Variants in SCAI observed in about 807,000 individuals in gnomAD.
The protein encoded by SCAI is suppressor of cancer cell invasion.
Under a neutral mutation model 92.2 loss-of-function variants are expected in SCAI, and 24 were observed. The ratio of observed to expected loss-of-function variants is 0.26; its 90% CI spans 0.19 to 0.37. The LOEUF (loss-of-function observed/expected upper bound fraction) is 0.37, where lower values mean the gene tolerates loss of function less well. Among genes scored for constraint, SCAI ranks in the 10% least tolerant of loss-of-function variants. The probability of loss-of-function intolerance (pLI) is 1.00; values close to 1 mark genes in which losing one functional copy is unlikely to be tolerated. For synonymous variants in SCAI, 261 were observed against 258.6 expected (o/e 1.01, Z -0.09); for missense variants, 450 against 736.2 (o/e 0.61, Z 4.50).
intron 17 of SCAI, 119 bp downstream of exon 17, chr9:124,971,251 G>T: frequency 5.9e-6 from 3 of 506,864 alleles, no homozygotes. Flanking sequence ...ATATTATTTT[G>T]AATTTATCCA....
intron 2 of SCAI, among the ~76,000 whole-genome samples, chr9:125,093,006 G>T (rs573630060): frequency 6.6e-6 from 1 of 152,046 alleles, no homozygotes; most frequent in Non-Finnish European, 1.5e-5. Flanking sequence ...GTTACTTATC[G>T]ACAGCACTGG....
At chr9:125,040,861 C>G (rs1313950471) in intron 3 of SCAI, among the ~76,000 whole-genome samples, 1 of 151,732 alleles carries the variant, frequency 6.6e-6, no homozygotes, top group Non-Finnish European at 1.5e-5. Context: ...TCTTGAACTA[C>G]TGACCTCAAG....
rs1475941531 is a variant in SCAI, at chr9:124,947,961, G to A, written c.*4846C>T. 1 of 152,170 alleles carries A rather than the reference G, an allele frequency of 6.6e-6. No homozygotes were observed. Among genetic ancestry groups the A allele is most frequent in the African/African-American group, 2.4e-5 (1 of 41,442 alleles). The allele number at this position is 152,170 out of a possible 1,614,324, so 9.4% of individuals were successfully genotyped here. A position where few individuals can be genotyped will look rare whatever the true frequency, so the allele number is the denominator to read the frequency against. ...CAGAGTGTTCTCTGTATATCAGGCT[G>A]ATTACAAGTCTCCATAAATAAAATT... On this transcript the variant is annotated 3_prime_UTR_variant, in exon 18 of 18. Transcript: ENST00000336505.
At chr9:125,084,158 CTTTTTTTTTTTTTT>C (rs34786493) in intron 2 of SCAI, among the ~76,000 whole-genome samples, 2 of 65,138 alleles carry the variant, frequency 3.1e-5, no homozygotes, top group African/African-American at 6.6e-5. Flanking sequence ...TTGGCTGCTG[CTTTTTTTTTTTTTT>C]TTTTTTTTTT....
At chr9:125,108,600 C>T (rs1400347725) in intron 2 of SCAI, among the ~76,000 whole-genome samples, 9 of 148,770 alleles carry the variant, frequency 6.0e-5, no homozygotes, top group Admixed American at 4.0e-4. Context: ...GCCCGGCAGC[C>T]GCCCCGTCTG....
chr9:125,133,152 G>A (rs1437907445), intron 2 of SCAI, among the ~76,000 whole-genome samples: 1 of 152,158 alleles, frequency 6.6e-6, no homozygotes. Flanking sequence ...CACTTTGGGA[G>A]GCCGCTGTGG....
chr9:124,956,044 G>A (rs1162118317), intron 17 of SCAI, among the ~76,000 whole-genome samples: 3 of 152,084 alleles, frequency 2.0e-5, no homozygotes, highest in South Asian at 2.1e-4. Flanking sequence ...TGAGGTCAGC[G>A]CTATCCTGAT....
At chr9:125,042,858 C>T (rs28572692) in intron 3 of SCAI, among the ~76,000 whole-genome samples, 55 of 50,970 alleles carry the variant, frequency 1.1e-3, no homozygotes, top group Admixed American at 3.3e-3. Flanking sequence ...TGCTCCCTGG[C>T]TTTTTTTTTT....
chr9:124,970,631 G>A (rs1159098429), intron 17 of SCAI, among the ~76,000 whole-genome samples: 1 of 151,866 alleles, frequency 6.6e-6, no homozygotes, highest in African/African-American at 2.4e-5. Flanking sequence ...TCTGAGCCAG[G>A]AGAATCACTT....
intron 3 of SCAI, among the ~76,000 whole-genome samples, chr9:125,044,506 G>A (rs1247526893): frequency 6.6e-6 from 1 of 152,078 alleles, no homozygotes; most frequent in Non-Finnish European, 1.5e-5. Flanking sequence ...TGGACAACCT[G>A]CTTGCAGAAA....
chr9:124,986,688 A>T (rs1409353749), intron 14 of SCAI, among the ~76,000 whole-genome samples: 1 of 152,228 alleles, frequency 6.6e-6, no homozygotes, highest in Admixed American at 6.5e-5. Context: ...AACAAATCCC[A>T]ATAGATTTAA....
rs192361727 is a variant in SCAI at position 125,083,376 on chromosome 9, G to A, written c.99-27369C>T. Reference sequence around the variant, plus strand: ...TTGCTAAAAATACAAAAATTAGCTGGGTGTGGTGGTGTGCGCCTGTAATCC... The same window carrying A: ...TTGCTAAAAATACAAAAATTAGCTGAGTGTGGTGGTGTGCGCCTGTAATCC... On this transcript the variant is annotated intron_variant, in intron 2 of 17. Coordinates refer to ENST00000336505, the MANE Select transcript of SCAI (RefSeq NM_001144877.3). 3.3e-3 allele frequency among the ~76,000 whole-genome samples: 503 copies of A among 152,132 alleles called. 9 individuals are homozygous for A. Among genetic ancestry groups the A allele is most frequent in the East Asian group, 1.5e-3 (8 of 5,164 alleles).
At chr9:124,988,974 C>A (rs1832053748) in intron 14 of SCAI, among the ~76,000 whole-genome samples, 1 of 152,036 alleles carries the variant, frequency 6.6e-6, no homozygotes, top group African/African-American at 2.4e-5. Flanking sequence ...CCCATCTCTA[C>A]TAAAAAAATA....
intron 17 of SCAI, chr9:124,968,214 A>C: frequency 1.2e-6 from 1 of 863,242 alleles, no homozygotes; most frequent in Non-Finnish European, 1.7e-6. Context: ...AACGAAAAAC[A>C]AAAAAACAGA....
chr9:125,018,759 C>T lies in SCAI; in HGVS notation c.861+40G>A. On this transcript the variant is annotated intron_variant, in intron 9 of 17. Transcript: ENST00000336505. ...TGTGATCATCAATAGCACTATTTTT[C>T]ACAGTGAATTTTAAGCATAATTCCT... is the stretch of plus-strand genomic sequence containing the variant. 3 of 1,531,654 alleles carry T rather than the reference C, an allele frequency of 2.0e-6. No homozygotes were observed. The South Asian group carries it at 3.6e-5, about 18-fold the overall frequency. The allele number at this position is 1,531,654 out of a possible 1,614,324, so 94.9% of individuals were successfully genotyped here.
chr9:125,005,478 T>C lies in SCAI; in HGVS notation c.862-1908A>G, dbSNP rs185896552. Among the ~76,000 whole-genome samples the C allele has an allele frequency of 2.0e-3, 298 of 152,232 alleles. 1 individual carries two copies. The highest frequency in any genetic ancestry group is 6.9e-3 in the African/African-American group (285 of 41,536). The stretch of plus-strand genomic sequence containing the variant: ...TCCTGAGTAGCTGGGATTACAGGCA[T>C]GTGCCACCATGCCCAGCTAATTTTG... On this transcript the variant is annotated intron_variant, in intron 9 of 17. Coordinates refer to ENST00000336505, the MANE Select transcript of SCAI (RefSeq NM_001144877.3).
At chr9:125,099,930 C>T (rs958539985) in intron 2 of SCAI, among the ~76,000 whole-genome samples, 1 of 152,190 alleles carries the variant, frequency 6.6e-6, no homozygotes, top group African/African-American at 2.4e-5. Flanking sequence ...GTTTATCTGT[C>T]CATCTATATC....
chr9:124,982,201 G>A (rs1378876797), intron 14 of SCAI, among the ~76,000 whole-genome samples: 1 of 152,064 alleles, frequency 6.6e-6, no homozygotes, highest in Non-Finnish European at 1.5e-5. Context: ...CTGCAATCAC[G>A]ACAATCCTGT....
chr9:124,946,433 TA>T lies in SCAI; in HGVS notation c.*6373del. On this transcript the variant is annotated 3_prime_UTR_variant, in exon 18 of 18. Coordinates refer to ENST00000336505, the MANE Select transcript of SCAI (RefSeq NM_001144877.3). This position sits in a 1 kb window ranked among gnomAD's most constrained non-coding sequence, Gnocchi z 4.0. ...CTGAGATAATTTCTCTATTTTAAGA[TA>T]ATATTGGATCAGATAGATTTAATCT... The T allele has an allele frequency of 6.6e-6, 1 of 152,322 alleles. No individual in the cohort carries two copies. The highest frequency in any genetic ancestry group is 2.1e-4 in the South Asian group (1 of 4,828). 9.4% of individuals were successfully genotyped at this position (152,322 alleles called of 1,614,324 possible).
Sources: gnomAD v4.1 joint callset for allele counts (sites outside exome capture counted in the v4.1 genomes callset) on GRCh38, gnomAD v4.1.1 for gene constraint, Gnocchi (gnomAD v3.1) non-coding constraint, MANE v1.5 for transcripts, NCBI Gene and HGNC (gene_info 2026-07-23, HGNC 2026-07-21) for gene names.